The following MLIP variants were observed in gnomAD, a reference collection of about 807,000 sequenced individuals.
MLIP encodes muscular LMNA-interacting protein.
In MLIP, 79 loss-of-function variants were observed where a neutral mutation model predicts 84.8. The observed-to-expected ratio is 0.93, with a 90% CI of 0.78 to 1.12. The LOEUF is 1.12. Among genes scored for constraint, MLIP ranks in the 50% most tolerant of loss-of-function variants. MLIP has a pLI of 0.00. For synonymous variants in MLIP, 504 were observed against 463.0 expected (o/e 1.09, Z -1.14); for missense variants, 1,257 against 1,160.6 (o/e 1.08, Z -1.21).
chr6:54,163,595 C>T (rs1055734882), intron 8 of MLIP, among the ~76,000 whole-genome samples: 3 of 151,818 alleles, frequency 2.0e-5, no homozygotes, highest in Non-Finnish European at 4.4e-5. Context: ...CATGTAAATG[C>T]CTTTTCCCAC....
intron 1 of MLIP, among the ~76,000 whole-genome samples, chr6:54,051,535 C>T (rs987911329): frequency 2.6e-5 from 4 of 152,020 alleles, no homozygotes; most frequent in Non-Finnish European, 5.9e-5. Flanking sequence ...TCCTCTTTAC[C>T]TGTGTTTGAG....
chr6:54,124,155 A>C (rs1251251714), intron 2 of MLIP, among the ~76,000 whole-genome samples: 1 of 152,154 alleles, frequency 6.6e-6, no homozygotes, highest in Non-Finnish European at 1.5e-5. Flanking sequence ...TTTGTTTCAC[A>C]AATGTCTTCA....
intron 1 of MLIP, among the ~76,000 whole-genome samples, chr6:54,115,390 G>C (rs1315331699): frequency 6.6e-6 from 1 of 152,106 alleles, no homozygotes; most frequent in African/African-American, 2.4e-5. Flanking sequence ...AATTGTGGAA[G>C]AATCAGTAGA....
chr6:54,037,648 C>T (rs1340636370), intron 1 of MLIP, among the ~76,000 whole-genome samples: 1 of 151,814 alleles, frequency 6.6e-6, no homozygotes, highest in East Asian at 1.9e-4. Context: ...TGTAAATTTG[C>T]AGAAGTTTAT....
chr6:54,197,266 G>A (rs192088729), intron 10 of MLIP, among the ~76,000 whole-genome samples: 9 of 152,078 alleles, frequency 5.9e-5, no homozygotes, highest in African/African-American at 2.2e-4. Flanking sequence ...TAGAACTGAC[G>A]GACATCATTT....
chr6:54,035,378 G>A (rs1764369476), intron 1 of MLIP, among the ~76,000 whole-genome samples: 1 of 152,120 alleles, frequency 6.6e-6, no homozygotes, highest in Non-Finnish European at 1.5e-5. Context: ...AGGAATATTT[G>A]TGTGGTTTCC....
chr6:54,024,669 A>C (rs555034278), intron 1 of MLIP, among the ~76,000 whole-genome samples: 1 of 152,336 alleles, frequency 6.6e-6, no homozygotes, highest in South Asian at 2.1e-4. Flanking sequence ...TTATGATATA[A>C]TAATGATAGG....
chr6:54,047,111 C>T (rs1765106140), intron 1 of MLIP: 1 of 152,078 alleles, frequency 6.6e-6, no homozygotes, highest in Non-Finnish European at 1.5e-5. Flanking sequence ...TCTTGGTCAG[C>T]GTCAAAGTTA....
chr6:54,235,134 C>T (rs1356802130), intron 12 of MLIP, among the ~76,000 whole-genome samples: 2 of 152,174 alleles, frequency 1.3e-5, no homozygotes, highest in African/African-American at 4.8e-5. Context: ...ATCTGTTATG[C>T]TTTATGCTTT....
rs1766140621 is a variant in MLIP at position 54,064,235 on chromosome 6, AG to A, written c.63+45147del. 2.0e-5 allele frequency among the ~76,000 whole-genome samples: 2 copies of A among 100,260 alleles called. 1 individual carries two copies. The highest frequency in any genetic ancestry group is 5.1e-5 in the African/African-American group (2 of 39,158). The allele number at this position is 100,260 out of a possible 152,430, so 65.8% of individuals were successfully genotyped here. On this transcript the variant is annotated intron_variant, in intron 1 of 12. Coordinates refer to the MLIP transcript ENST00000274897. The stretch of plus-strand genomic sequence containing the variant: ...ACAGGTACACGTTTATTTGTCACCT[AG>A]GGCATGTGATTAGATTTATTTGATT...
At position 54,264,389 on chromosome 6, in the gene MLIP, A is replaced by G. The variant is rs115042681; in HGVS notation, c.2977-1561A>G. 7.4e-3 allele frequency among the ~76,000 whole-genome samples: 1,121 copies of G among 152,182 alleles called. 6 individuals are homozygous for G. Among genetic ancestry groups the G allele is most frequent in the Non-Finnish European group, 0.013 (893 of 67,974 alleles). ...TTAGTTTGACTAAGACAAACTAAGT[A>G]ATGGCTATGTGAACAACAAAAGCAA... On this transcript the variant is annotated intron_variant, in intron 13 of 13. Coordinates refer to ENST00000502396, the MANE Select transcript of MLIP (RefSeq NM_001281747.2).
At chr6:54,169,501 T>G (rs756293770) in intron 8 of MLIP, 27 bp from the exon 9 acceptor site, 1 of 1,526,016 alleles carries the variant, frequency 6.6e-7, no homozygotes, top group African/African-American at 1.4e-5. Flanking sequence ...TTATTTCAGA[T>G]GTATAATTGT....
chr6:54,193,242 T>C (rs1030587327), intron 10 of MLIP, among the ~76,000 whole-genome samples: 2 of 152,126 alleles, frequency 1.3e-5, no homozygotes, highest in Admixed American at 1.3e-4. Context: ...GAAAGGAAAT[T>C]AGAGATGAAA....
At chr6:54,059,932 G>A (rs370666455) in intron 1 of MLIP, among the ~76,000 whole-genome samples, 2 of 152,240 alleles carry the variant, frequency 1.3e-5, no homozygotes, top group Non-Finnish European at 2.9e-5. Context: ...TTTGAGCCTT[G>A]ATTGACTGAA....
intron 8 of MLIP, 28 bp downstream of exon 8, chr6:54,160,827 G>T: frequency 6.4e-7 from 1 of 1,573,494 alleles, no homozygotes; most frequent in South Asian, 1.1e-5. Context: ...ATAATTTATG[G>T]AACCATAAGA....
chr6:54,234,480 A>G (rs1562089916), intron 12 of MLIP, among the ~76,000 whole-genome samples: 1 of 152,134 alleles, frequency 6.6e-6, no homozygotes, highest in Non-Finnish European at 1.5e-5. Context: ...TGTATGCAGA[A>G]GCCTAAAAAA....
At chr6:54,023,534 AAGG>A (rs1170059846) in intron 1 of MLIP, among the ~76,000 whole-genome samples, 2 of 152,060 alleles carry the variant, frequency 1.3e-5, no homozygotes, top group Admixed American at 6.6e-5. Context: ...ATTTCAGAAA[AAGG>A]AGTTCATACC....
rs1000224461 is a variant in MLIP, at chr6:54,111,458, C to T, written c.-22C>T. ...TTCCCACCTCAGTCATTGGTTTGCT[C>T]GCTCCCTTATGTGATGAATCAATGC... is the stretch of plus-strand genomic sequence containing the variant. On this transcript the variant is annotated 5_prime_UTR_variant, in exon 1 of 14. Transcript: ENST00000502396. 3.4e-5 allele frequency: 52 copies of T among 1,535,540 alleles called. No homozygotes were observed. The highest frequency in any genetic ancestry group is 1.7e-4 in the Middle Eastern group (1 of 6,008).
intron 3 of MLIP, among the ~76,000 whole-genome samples, chr6:54,129,490 C>T (rs1388999730): frequency 2.0e-5 from 3 of 152,140 alleles, no homozygotes; most frequent in African/African-American, 7.2e-5. Flanking sequence ...CCTAAACCCT[C>T]TTAGTGAGCA....
Sources: gnomAD v4.1 joint callset for allele counts (sites outside exome capture counted in the v4.1 genomes callset) on GRCh38, gnomAD v4.1.1 for gene constraint, MANE v1.5 for transcripts, NCBI Gene and HGNC (gene_info 2026-07-23, HGNC 2026-07-21) for gene names.